Variants in ELMO1 observed in about 807,000 individuals in gnomAD.
The protein encoded by ELMO1 is engulfment and cell motility 1.
Under a neutral mutation model 98.9 loss-of-function variants are expected in ELMO1, and 26 were observed. The ratio of observed to expected loss-of-function variants is 0.26; its 90% CI spans 0.19 to 0.36. The LOEUF (loss-of-function observed/expected upper bound fraction) is 0.36. ELMO1 is among the 10% of genes least tolerant of loss of function. The probability of loss-of-function intolerance (pLI) is 1.00; values close to 1 mark genes in which losing one functional copy is unlikely to be tolerated. For synonymous variants in ELMO1, 346 were observed against 346.0 expected (o/e 1.00, Z 0.00); for missense variants, 627 against 935.2 (o/e 0.67, Z 4.30).
At chr7:37,238,101 G>C (rs895804669) in intron 7 of ELMO1, among the ~76,000 whole-genome samples, 3 of 152,290 alleles carry the variant, frequency 2.0e-5, no homozygotes, top group Middle Eastern at 3.4e-3. Flanking sequence ...ATAGTATAAA[G>C]ATGATATGCT....
At chr7:37,311,015 C>G (rs1327300552) in intron 4 of ELMO1, among the ~76,000 whole-genome samples, 1 of 149,998 alleles carries the variant, frequency 6.7e-6, no homozygotes, top group African/African-American at 2.4e-5. Context: ...CCCTCTCTCT[C>G]TCTCCTGGAC....
intron 15 of ELMO1, among the ~76,000 whole-genome samples, chr7:37,040,040 G>A (rs1266245786): frequency 1.3e-5 from 2 of 152,152 alleles, no homozygotes; most frequent in South Asian, 2.1e-4. Context: ...TTGTGTTTGT[G>A]TGTATGTGTG....
At chr7:36,979,052 A>G (rs1368402221) in intron 16 of ELMO1, among the ~76,000 whole-genome samples, 1 of 152,208 alleles carries the variant, frequency 6.6e-6, no homozygotes, top group East Asian at 1.9e-4. Context: ...CTTGGTGGCT[A>G]TGCTGAAACT....
intron 14 of ELMO1, among the ~76,000 whole-genome samples, chr7:37,118,924 T>C (rs144958792): frequency 1.9e-3 from 285 of 152,330 alleles, no homozygotes; most frequent in African/African-American, 6.4e-3. Context: ...CATATGAATC[T>C]ATAAGCCTCT....
chr7:37,334,284 A>G (rs1175393963), intron 2 of ELMO1, among the ~76,000 whole-genome samples: 1 of 152,106 alleles, frequency 6.6e-6, no homozygotes, highest in Non-Finnish European at 1.5e-5. Context: ...TGTCTCTACT[A>G]AAAATACAAA....
intron 16 of ELMO1, among the ~76,000 whole-genome samples, chr7:37,001,844 T>G (rs1324392888): frequency 6.6e-6 from 1 of 152,180 alleles, no homozygotes; most frequent in Non-Finnish European, 1.5e-5. Flanking sequence ...AATCTGAACA[T>G]CTTGCTGAGG....
intron 4 of ELMO1, among the ~76,000 whole-genome samples, chr7:37,276,139 G>A (rs1329301260): frequency 2.0e-5 from 3 of 152,062 alleles, no homozygotes; most frequent in Non-Finnish European, 4.4e-5. Flanking sequence ...TCATGTCCCC[G>A]GCTTCCTCCC....
At chr7:36,877,889 C>T in intron 19 of ELMO1, 121 bp downstream of exon 19, 1 of 742,810 alleles carries the variant, frequency 1.3e-6, no homozygotes, top group Non-Finnish European at 2.2e-6. Context: ...CGACGACTTA[C>T]AACTAGATGA....
intron 16 of ELMO1, among the ~76,000 whole-genome samples, chr7:36,978,658 C>T (rs1026429750): frequency 6.6e-6 from 1 of 152,258 alleles, no homozygotes; most frequent in East Asian, 1.9e-4. Context: ...TAAAAGCCAC[C>T]GATTATTTAT....
chr7:36,941,673 T>C (rs554791705), intron 16 of ELMO1, among the ~76,000 whole-genome samples: 1 of 152,348 alleles, frequency 6.6e-6, no homozygotes, highest in South Asian at 2.1e-4. Context: ...TAGAATAGAA[T>C]GCCAAACCTA....
intron 15 of ELMO1, among the ~76,000 whole-genome samples, chr7:37,056,875 G>C (rs562736492): frequency 6.6e-6 from 1 of 152,326 alleles, no homozygotes; most frequent in Admixed American, 6.5e-5. Context: ...TCTTGGGCCA[G>C]TTACTGCACC....
intron 13 of ELMO1, among the ~76,000 whole-genome samples, chr7:37,199,023 A>G (rs926992385): frequency 1.3e-5 from 2 of 152,138 alleles, no homozygotes; most frequent in African/African-American, 2.4e-5. Context: ...TCTCACACAC[A>G]TGCCTTTGAT....
At chr7:37,233,048 T>A (rs759550158) in intron 8 of ELMO1, 47 bp downstream of exon 8, 31 of 1,492,940 alleles carry the variant, frequency 2.1e-5, no homozygotes, top group Non-Finnish European at 2.8e-5. Flanking sequence ...AAAATAGCTA[T>A]GACAGAAGAC....
chr7:37,318,022 G>A (rs1326713374), intron 2 of ELMO1, among the ~76,000 whole-genome samples: 1 of 152,186 alleles, frequency 6.6e-6, no homozygotes, highest in African/African-American at 2.4e-5. Context: ...TAGAATTACT[G>A]AGGAGCAGAA....
intron 1 of ELMO1, among the ~76,000 whole-genome samples, chr7:37,406,733 C>T (rs1358999825): frequency 1.3e-5 from 2 of 152,148 alleles, no homozygotes; most frequent in African/African-American, 4.8e-5. Flanking sequence ...GGAGCCATCG[C>T]ACCAGGCCAA....
chr7:37,204,729 T>C (rs1792507952), intron 13 of ELMO1, among the ~76,000 whole-genome samples: 1 of 152,244 alleles, frequency 6.6e-6, no homozygotes, highest in South Asian at 2.1e-4. Context: ...GCATGCTGAC[T>C]GGTGCATTTA....
Position 37,249,984 on chromosome 7 carries a change from C to T in ELMO1, c.414-5593G>A, listed in dbSNP as rs1455888087. On this transcript the variant is annotated intron_variant, in intron 6 of 21. Coordinates refer to ENST00000310758, the MANE Select transcript of ELMO1 (RefSeq NM_014800.11). ...TCCCTACCTACTCAGGAGGCTGAGGCAGGAGGACTGCTTAAGCCCTGGAGG... is the reference window on the plus strand; with the variant it reads ...TCCCTACCTACTCAGGAGGCTGAGGTAGGAGGACTGCTTAAGCCCTGGAGG... Among the ~76,000 whole-genome samples the T allele has an allele frequency of 2.0e-5, 3 of 152,232 alleles. No individual in the cohort carries two copies. The East Asian group carries it at 5.8e-4, about 29-fold the overall frequency.
intron 13 of ELMO1, among the ~76,000 whole-genome samples, chr7:37,198,348 C>T (rs766070123): frequency 6.6e-6 from 1 of 152,208 alleles, no homozygotes; most frequent in Admixed American, 6.5e-5. Context: ...ATTCTGCAGA[C>T]TCATTTCCAC....
chr7:36,943,901 G>A (rs1453076397), intron 16 of ELMO1, among the ~76,000 whole-genome samples: 1 of 152,044 alleles, frequency 6.6e-6, no homozygotes, highest in Non-Finnish European at 1.5e-5. Context: ...CACTAGACAG[G>A]GTCTGCACAA....
Sources: gnomAD v4.1 joint callset for allele counts (sites outside exome capture counted in the v4.1 genomes callset) on GRCh38, gnomAD v4.1.1 for gene constraint, MANE v1.5 for transcripts, NCBI Gene and HGNC (gene_info 2026-07-23, HGNC 2026-07-21) for gene names.